The following PCDH7 variants were observed in gnomAD, a reference collection of about 807,000 sequenced individuals.
The protein encoded by PCDH7 is protocadherin 7.
A neutral mutation model predicts 58.9 loss-of-function variants in PCDH7; 17 were observed. That is an observed-to-expected ratio of 0.29 (90% CI 0.20 to 0.43). The LOEUF is 0.43. PCDH7 is among the 20% of genes least tolerant of loss of function. The probability of loss-of-function intolerance (pLI) is 1.00; values close to 1 mark genes in which losing one functional copy is unlikely to be tolerated. For synonymous variants in PCDH7, 664 were observed against 616.4 expected (o/e 1.08, Z -1.14); for missense variants, 1,274 against 1,441.0 (o/e 0.88, Z 1.88).
At chr4:30,888,290 A>T (rs976955876) in intron 1 of PCDH7, among the ~76,000 whole-genome samples, 4 of 152,082 alleles carry the variant, frequency 2.6e-5, no homozygotes. Flanking sequence ...ACACACACAC[A>T]TACACACACA....
At chr4:31,056,693 A>T (rs1390428953) in intron 3 of PCDH7, among the ~76,000 whole-genome samples, 1 of 151,668 alleles carries the variant, frequency 6.6e-6, no homozygotes, top group East Asian at 2.0e-4. Context: ...GAGGAGAGAG[A>T]CAGCAAGAGA....
intron 3 of PCDH7, among the ~76,000 whole-genome samples, chr4:31,079,545 T>G (rs1433677066): frequency 6.6e-6 from 1 of 150,948 alleles, no homozygotes; most frequent in Non-Finnish European, 1.5e-5. Context: ...TAATACCAAG[T>G]ATATGTTTAA....
chr4:31,123,296 G>T (rs1027398767), intron 3 of PCDH7, among the ~76,000 whole-genome samples: 1 of 151,900 alleles, frequency 6.6e-6, no homozygotes, highest in South Asian at 2.1e-4. Context: ...ATCAATATTC[G>T]ATACTTAAGA....
At chr4:31,019,398 TTAG>T (rs1227502361) in intron 3 of PCDH7, among the ~76,000 whole-genome samples, 2 of 152,142 alleles carry the variant, frequency 1.3e-5, no homozygotes, top group African/African-American at 4.8e-5. Flanking sequence ...GATAAAATGA[TTAG>T]CCTACAGAAA....
intron 1 of PCDH7, among the ~76,000 whole-genome samples, chr4:30,881,083 TGAACAGTATGAGATGGACTTATA>T (rs1253402056): frequency 2.0e-5 from 3 of 152,124 alleles, no homozygotes; most frequent in Admixed American, 2.0e-4. Context: ...TCAAATTTGT[TGAACAGTATGAGATGGACTTATA>T]GAACATCTCC....
intron 3 of PCDH7, among the ~76,000 whole-genome samples, chr4:30,980,608 A>G (rs1292299957): frequency 6.6e-6 from 1 of 152,188 alleles, no homozygotes; most frequent in Non-Finnish European, 1.5e-5. Context: ...ACAAAGAAAC[A>G]TCGAGTATCA....
intron 1 of PCDH7, among the ~76,000 whole-genome samples, chr4:30,889,137 CAA>C (rs371917620): frequency 1.2e-4 from 6 of 49,982 alleles, no homozygotes; most frequent in Admixed American, 2.4e-4. Flanking sequence ...GCAGATATCT[CAA>C]AAAAAAAAAA....
At chr4:30,919,176 A>G (rs1742856647) in intron 1 of PCDH7, among the ~76,000 whole-genome samples, 1 of 152,148 alleles carries the variant, frequency 6.6e-6, no homozygotes, top group African/African-American at 2.4e-5. Context: ...GGATACAACT[A>G]TTGCCAAAAA....
intron 1 of PCDH7, among the ~76,000 whole-genome samples, chr4:30,910,273 C>T (rs933130473): frequency 3.9e-5 from 6 of 152,110 alleles, no homozygotes; most frequent in African/African-American, 1.4e-4. Flanking sequence ...TGGGCAAAGA[C>T]TTCATGACTA....
intron 2 of PCDH7, among the ~76,000 whole-genome samples, chr4:30,937,007 C>G (rs1205426051): frequency 6.6e-6 from 1 of 150,508 alleles, no homozygotes; most frequent in African/African-American, 2.4e-5. Flanking sequence ...TATCCTTCTA[C>G]CAAGGTAGGG....
chr4:31,026,890 G>T (rs1028479829), intron 3 of PCDH7, among the ~76,000 whole-genome samples: 1 of 152,102 alleles, frequency 6.6e-6, no homozygotes, highest in Non-Finnish European at 1.5e-5. Context: ...TGCCTCAGTT[G>T]ATCTATAATT....
At chr4:30,985,019 T>G (rs1258021879) in intron 3 of PCDH7, among the ~76,000 whole-genome samples, 2 of 152,116 alleles carry the variant, frequency 1.3e-5, no homozygotes, top group African/African-American at 2.4e-5. Context: ...CAGACTGGAG[T>G]GCAGTGACGT....
intron 1 of PCDH7, among the ~76,000 whole-genome samples, chr4:30,909,906 C>T (rs569283263): frequency 6.6e-5 from 10 of 152,220 alleles, no homozygotes; most frequent in South Asian, 2.1e-4. Flanking sequence ...GGAGGCATCA[C>T]GCTACTTGAC....
At chr4:30,792,200 G>A (rs1724206359) in intron 1 of PCDH7, among the ~76,000 whole-genome samples, 1 of 152,164 alleles carries the variant, frequency 6.6e-6, no homozygotes, top group South Asian at 2.1e-4. Context: ...AAGATAAAAT[G>A]AGCAACCATT....
intron 1 of PCDH7, among the ~76,000 whole-genome samples, chr4:30,855,420 G>C (rs1031288952): frequency 1.3e-5 from 2 of 152,140 alleles, no homozygotes; most frequent in African/African-American, 4.8e-5. Flanking sequence ...TGGTGTGATT[G>C]TGATTAACAA....
intron 2 of PCDH7, among the ~76,000 whole-genome samples, chr4:30,949,544 C>T (rs1040835406): frequency 2.0e-5 from 3 of 152,170 alleles, no homozygotes; most frequent in East Asian, 3.9e-4. Flanking sequence ...AAAACATGAA[C>T]ATTTTAAAAA....
At chr4:30,864,108 G>T (rs543215465) in intron 1 of PCDH7, among the ~76,000 whole-genome samples, 4 of 151,100 alleles carry the variant, frequency 2.6e-5, no homozygotes, top group African/African-American at 9.7e-5. Context: ...ATTATTCCAA[G>T]ACCATCTCTT....
chr4:30,968,455 G>A (rs1749250889), intron 3 of PCDH7, among the ~76,000 whole-genome samples: 3 of 137,738 alleles, frequency 2.2e-5, no homozygotes, highest in African/African-American at 8.1e-5. Flanking sequence ...AGACAAGACA[G>A]CTCAGCCTTC....
chr4:31,075,911 C>T (rs1050649393), intron 3 of PCDH7, among the ~76,000 whole-genome samples: 2 of 152,022 alleles, frequency 1.3e-5, no homozygotes, highest in African/African-American at 4.8e-5. Context: ...GACTTTAAAC[C>T]AGAAAGGATG....
Sources: gnomAD v4.1 joint callset for allele counts (sites outside exome capture counted in the v4.1 genomes callset) on GRCh38, gnomAD v4.1.1 for gene constraint, MANE v1.5 for transcripts, NCBI Gene and HGNC (gene_info 2026-07-23, HGNC 2026-07-21) for gene names.